The following SUGCT variants were observed in gnomAD, a reference collection of about 807,000 sequenced individuals.
SUGCT encodes succinyl-CoA:glutarate-CoA transferase.
A neutral mutation model predicts 55.0 loss-of-function variants in SUGCT; 41 were observed. The ratio of observed to expected loss-of-function variants is 0.74; its 90% CI spans 0.58 to 0.97. The LOEUF is 0.97. Ranked by LOEUF, SUGCT falls within the 50% of genes least tolerant of loss-of-function variation. The probability of loss-of-function intolerance (pLI) is 0.00; values close to 1 mark genes in which losing one functional copy is unlikely to be tolerated. For missense variants in SUGCT, 568 were observed against 547.8 expected, an observed-to-expected ratio of 1.04 and a Z score of -0.37; for synonymous variants, 187 against 200.4, an observed-to-expected ratio of 0.93 and a Z score of 0.56.
chr7:40,295,031 A>T (rs2151062727), intron 8 of SUGCT, among the ~76,000 whole-genome samples: 1 of 152,306 alleles, frequency 6.6e-6, no homozygotes, highest in East Asian at 1.9e-4. Flanking sequence ...TACACAAATG[A>T]TTGAAATGTG....
At chr7:40,177,596 T>C (rs1386345624) in intron 1 of SUGCT, among the ~76,000 whole-genome samples, 4 of 152,338 alleles carry the variant, frequency 2.6e-5, no homozygotes, top group African/African-American at 9.6e-5. Context: ...TTAATATTTG[T>C]CCAGTTTCTT....
At position 40,188,411 on chromosome 7, in the gene SUGCT, G is replaced by A; in HGVS notation, c.227-84G>A. On this transcript the variant is annotated intron_variant, in intron 3 of 13. Transcript: ENST00000335693. ...ATCGTTCCTCTGCACTCCAGCCTGG[G>A]CAACAGAGCAAGACTCCATCTCCAA... 4 of 918,586 alleles carry A rather than the reference G, an allele frequency of 4.4e-6. No individual in the cohort carries two copies. The South Asian group carries it at 4.8e-5, about 11-fold the overall frequency. The allele number at this position is 918,586 out of a possible 1,614,324, so 56.9% of individuals were successfully genotyped here.
intron 9 of SUGCT, among the ~76,000 whole-genome samples, chr7:40,340,158 G>A (rs1027609617): frequency 6.6e-6 from 1 of 152,120 alleles, no homozygotes; most frequent in Admixed American, 6.5e-5. Flanking sequence ...GTAGTAAGTA[G>A]TATGAGAGAA....
intron 9 of SUGCT, among the ~76,000 whole-genome samples, chr7:40,342,611 A>G (rs1797110605): frequency 6.6e-6 from 1 of 151,064 alleles, no homozygotes; most frequent in African/African-American, 2.4e-5. Flanking sequence ...AGGCTCCAAT[A>G]TCCTAAAATT....
At chr7:40,931,055 G>A in the SUGCT span, among the ~76,000 whole-genome samples, 30 of 152,086 alleles carry the variant, frequency 2.0e-4, no homozygotes, top group Admixed American at 3.9e-4. Flanking sequence ...ACTGGCTGTG[G>A]GTTTGTCATA....
intron 12 of SUGCT, among the ~76,000 whole-genome samples, chr7:40,678,523 C>A (rs1784104833): frequency 6.6e-6 from 1 of 152,122 alleles, no homozygotes; most frequent in South Asian, 2.1e-4. Flanking sequence ...GTGTGAATGG[C>A]AATTCATACT....
At chr7:40,484,121 A>G (rs1424242069) in intron 11 of SUGCT, among the ~76,000 whole-genome samples, 2 of 152,200 alleles carry the variant, frequency 1.3e-5, no homozygotes, top group Non-Finnish European at 2.9e-5. Flanking sequence ...ACAAAAGTAG[A>G]TTAAGATTAA....
chr7:40,765,905 C>CT (rs1788761932), intron 13 of SUGCT, among the ~76,000 whole-genome samples: 1 of 152,134 alleles, frequency 6.6e-6, no homozygotes. Flanking sequence ...GCATCACCCT[C>CT]TAAGTTTTCA....
intron 13 of SUGCT, among the ~76,000 whole-genome samples, chr7:40,765,332 T>C (rs1788729620): frequency 6.6e-6 from 1 of 152,104 alleles, no homozygotes; most frequent in South Asian, 2.1e-4. Flanking sequence ...AATTGGATTC[T>C]CTTCATTTCA....
intron 9 of SUGCT, among the ~76,000 whole-genome samples, chr7:40,341,989 A>G (rs1182357365): frequency 6.6e-6 from 1 of 152,228 alleles, no homozygotes; most frequent in African/African-American, 2.4e-5. Flanking sequence ...AATTAAATAC[A>G]TGTGAATGTG....
intron 12 of SUGCT, among the ~76,000 whole-genome samples, chr7:40,667,106 CAAA>C (rs58790754): frequency 2.0e-5 from 2 of 98,402 alleles, no homozygotes; most frequent in Admixed American, 1.1e-4. Flanking sequence ...GATCCTATCT[CAAA>C]AAAAAAAAAA....
Position 40,453,305 on chromosome 7 carries a change from G to A in SUGCT, c.888+3947G>A, listed in dbSNP as rs1009261014. 5.0e-4 allele frequency among the ~76,000 whole-genome samples: 76 copies of A among 152,260 alleles called. 1 individual carries two copies. Among genetic ancestry groups the A allele is most frequent in the African/African-American group, 1.8e-3 (74 of 41,534 alleles). ...TTTCCTTTTCCCCCTCCATTCTCCT[G>A]TTGCATGGCCTCTGCCCTGGAACCA... On this transcript the variant is annotated intron_variant, in intron 10 of 13. Transcript: ENST00000335693.
intron 6 of SUGCT, among the ~76,000 whole-genome samples, chr7:40,231,030 G>C (rs1445131526): frequency 2.0e-5 from 3 of 152,120 alleles, no homozygotes; most frequent in Non-Finnish European, 4.4e-5. Flanking sequence ...TCTAGATACG[G>C]GAATTTCCAG....
At chr7:40,489,508 C>T (rs1791566638) in intron 11 of SUGCT, among the ~76,000 whole-genome samples, 1 of 151,866 alleles carries the variant, frequency 6.6e-6, no homozygotes, top group Non-Finnish European at 1.5e-5. Flanking sequence ...TGGTGAAATC[C>T]CATCTCTACT....
chr7:40,995,026 G>A, the SUGCT span, among the ~76,000 whole-genome samples: 34 of 152,272 alleles, frequency 2.2e-4, no homozygotes, highest in African/African-American at 7.7e-4. Flanking sequence ...CCAGTCTTAG[G>A]TATTCCTTTA....
chr7:40,515,826 T>C (rs1243986473), intron 12 of SUGCT, among the ~76,000 whole-genome samples: 1 of 152,236 alleles, frequency 6.6e-6, no homozygotes, highest in Non-Finnish European at 1.5e-5. Context: ...GTTCTGAGTA[T>C]GTACCTAAGA....
chr7:40,717,146 A>C (rs1786063611), intron 12 of SUGCT, among the ~76,000 whole-genome samples: 1 of 152,220 alleles, frequency 6.6e-6, no homozygotes, highest in African/African-American at 2.4e-5. Flanking sequence ...GGAAATAATC[A>C]AGAATACATA....
chr7:40,504,416 T>C (rs1043434338), intron 12 of SUGCT, among the ~76,000 whole-genome samples: 3 of 151,998 alleles, frequency 2.0e-5, no homozygotes, highest in African/African-American at 7.3e-5. Flanking sequence ...AGTGCTGGGA[T>C]TATGTACCTG....
intron 6 of SUGCT, among the ~76,000 whole-genome samples, chr7:40,196,713 A>G (rs1786312350): frequency 6.6e-6 from 1 of 152,090 alleles, no homozygotes; most frequent in Non-Finnish European, 1.5e-5. Flanking sequence ...TGTGTTTTTC[A>G]TAGAGATGAG....
Sources: gnomAD v4.1 joint callset for allele counts (sites outside exome capture counted in the v4.1 genomes callset) on GRCh38, gnomAD v4.1.1 for gene constraint, MANE v1.5 for transcripts, NCBI Gene and HGNC (gene_info 2026-07-23, HGNC 2026-07-21) for gene names.